The following GLIS3 variants were observed in gnomAD, a reference collection of about 807,000 sequenced individuals.
GLIS3 encodes the protein GLIS family zinc finger 3.
In GLIS3, 53 loss-of-function variants were observed where a neutral mutation model predicts 78.6. The observed-to-expected ratio is 0.67, with a 90% confidence interval of 0.54 to 0.85. The LOEUF (loss-of-function observed/expected upper bound fraction) is 0.85. Ranked by LOEUF, GLIS3 falls within the 40% of genes least tolerant of loss-of-function variation. The probability of loss-of-function intolerance (pLI) is 0.00; values close to 1 mark genes in which losing one functional copy is unlikely to be tolerated. For missense variants in GLIS3, 1,703 were observed against 1,231.1 expected (o/e 1.38, Z -5.74); for synonymous variants, 684 against 509.9 (o/e 1.34, Z -4.60).
rs557197530 is a variant in GLIS3 at position 4,059,784 on chromosome 9, T to C, written c.1710+57984A>G. 4.8e-4 allele frequency among the ~76,000 whole-genome samples: 63 copies of C among 131,546 alleles called. 1 individual carries two copies. In the South Asian group the frequency reaches 0.015, roughly 32 times the overall value. 86.3% of individuals were successfully genotyped at this position (131,546 alleles called of 152,430 possible). A position where few individuals can be genotyped will look rare whatever the true frequency, so the allele number is the denominator to read the frequency against. Reference sequence around the variant, plus strand: ...CAGCTTGTTCTCTCCTGAAAGGGCTTGTCACTTACTCAGCTTTATTTGTGT... The same window carrying C: ...CAGCTTGTTCTCTCCTGAAAGGGCTCGTCACTTACTCAGCTTTATTTGTGT... On this transcript the variant is annotated intron_variant, in intron 4 of 10. Transcript: ENST00000381971.
At chr9:4,301,091 G>C (rs1817051355), upstream of GLIS3, among the ~76,000 whole-genome samples, 1 of 152,166 alleles carries the variant, frequency 6.6e-6, no homozygotes, top group Non-Finnish European at 1.5e-5. Context: ...ACTATTGGCA[G>C]TTTTCATTTA....
Position 4,009,801 on chromosome 9 carries a change from C to T in GLIS3, c.1711-72612G>A, listed in dbSNP as rs574253934. The stretch of plus-strand genomic sequence containing the variant: ...CTGCCCTCCAACCTGGGCAGGTCCA[C>T]GTGGATTCACTGCACATGCAGAAGT... On this transcript the variant is annotated intron_variant, in intron 4 of 10. Coordinates refer to ENST00000381971, the MANE Select transcript of GLIS3 (RefSeq NM_001042413.2). Among the ~76,000 whole-genome samples the T allele has an allele frequency of 8.1e-4, 124 of 152,310 alleles. 1 individual carries two copies. The highest frequency in any genetic ancestry group is 2.8e-3 in the African/African-American group (117 of 41,558).
At chr9:3,942,941 C>T (rs16920105) in intron 4 of GLIS3, among the ~76,000 whole-genome samples, 24,753 of 151,890 alleles carry the variant, frequency 0.16, 2,040 homozygotes, top group Middle Eastern at 0.24. Flanking sequence ...CTGTGGTAGT[C>T]TCACACCTTA....
intron 4 of GLIS3, among the ~76,000 whole-genome samples, chr9:4,043,893 G>C (rs934404690): frequency 6.6e-6 from 1 of 152,138 alleles, no homozygotes; most frequent in Admixed American, 6.5e-5. Context: ...TGGGTTGGGG[G>C]CTCCCAGATA....
At chr9:4,213,018 G>C (rs1820510079) in intron 2 of GLIS3, among the ~76,000 whole-genome samples, 2 of 152,080 alleles carry the variant, frequency 1.3e-5, no homozygotes, top group South Asian at 2.1e-4. Flanking sequence ...TTGTGACCTG[G>C]GCTGGAGAAG....
intron 2 of GLIS3, among the ~76,000 whole-genome samples, chr9:4,194,823 T>C (rs1006076750): frequency 2.6e-5 from 4 of 152,104 alleles, no homozygotes; most frequent in Non-Finnish European, 4.4e-5. Context: ...GGAGCTAACT[T>C]AGGGAGACGC....
At chr9:4,396,071 C>T in the GLIS3 span, among the ~76,000 whole-genome samples, 1 of 151,234 alleles carries the variant, frequency 6.6e-6, no homozygotes, top group Non-Finnish European at 1.5e-5. Flanking sequence ...TGCGCCTAGC[C>T]TGGTCACCAT....
intron 4 of GLIS3, among the ~76,000 whole-genome samples, chr9:4,048,428 T>TGATTATATATATG (rs1825431127): frequency 6.6e-6 from 1 of 152,124 alleles, no homozygotes; most frequent in South Asian, 2.1e-4. Context: ...TATATGGGGC[T>TGATTATATATATG]ATCATATAGC....
the GLIS3 span, among the ~76,000 whole-genome samples, chr9:4,461,333 C>T: frequency 1.3e-5 from 2 of 151,812 alleles, no homozygotes; most frequent in African/African-American, 2.4e-5. Context: ...GTAATTCTTA[C>T]ACAGGGAATA....
At chr9:3,840,214 G>T (rs1818629473) in intron 9 of GLIS3, among the ~76,000 whole-genome samples, 1 of 152,150 alleles carries the variant, frequency 6.6e-6, no homozygotes, top group African/African-American at 2.4e-5. Flanking sequence ...ATATGTAGAG[G>T]TTCTGTGTAA....
chr9:4,109,637 C>T (rs1831050140), intron 4 of GLIS3, among the ~76,000 whole-genome samples: 1 of 152,124 alleles, frequency 6.6e-6, no homozygotes, highest in Non-Finnish European at 1.5e-5. Context: ...GTGATGCTAC[C>T]CTCCTAAGAT....
chr9:3,851,441 T>C (rs1347355609), intron 9 of GLIS3, among the ~76,000 whole-genome samples: 1 of 152,166 alleles, frequency 6.6e-6, no homozygotes, highest in Non-Finnish European at 1.5e-5. Context: ...TAAAGGAAAT[T>C]ATACCTCATT....
At chr9:4,044,210 G>A (rs544536963) in intron 4 of GLIS3, among the ~76,000 whole-genome samples, 2 of 152,298 alleles carry the variant, frequency 1.3e-5, no homozygotes, top group African/African-American at 2.4e-5. Flanking sequence ...AAAGTCTTCG[G>A]AACAGTGTGT....
At chr9:3,879,705 T>C (rs1821601826) in intron 7 of GLIS3, 110 bp from the exon 8 acceptor site, 26 of 1,114,042 alleles carry the variant, frequency 2.3e-5, no homozygotes, top group Non-Finnish European at 3.4e-5. Flanking sequence ...TGTTTTTCTC[T>C]CAGTGGTTTT....
chr9:4,463,378 A>C, the GLIS3 span, among the ~76,000 whole-genome samples: 1 of 152,158 alleles, frequency 6.6e-6, no homozygotes, highest in African/African-American at 2.4e-5. Flanking sequence ...GGACTCTCTC[A>C]CCTTCCTTTA....
At chr9:4,000,929 G>C (rs969275376) in intron 4 of GLIS3, among the ~76,000 whole-genome samples, 7 of 152,112 alleles carry the variant, frequency 4.6e-5, no homozygotes, top group African/African-American at 1.7e-4. Context: ...TCTCTCCTCT[G>C]TACTTTCACA....
chr9:4,161,698 G>A (rs983952260), intron 2 of GLIS3, among the ~76,000 whole-genome samples: 3 of 80,624 alleles, frequency 3.7e-5, no homozygotes, highest in African/African-American at 1.8e-4. Flanking sequence ...TTTTTTTTGA[G>A]ACAGAGTTTC....
chr9:4,235,152 C>T (rs1459744167), intron 2 of GLIS3, among the ~76,000 whole-genome samples: 3 of 151,798 alleles, frequency 2.0e-5, no homozygotes, highest in Non-Finnish European at 2.9e-5. Context: ...TAAAAAAAAT[C>T]GCTGGGCGTG....
At chr9:4,454,570 G>A in the GLIS3 span, among the ~76,000 whole-genome samples, 2 of 152,154 alleles carry the variant, frequency 1.3e-5, no homozygotes, top group African/African-American at 4.8e-5. Flanking sequence ...GGATGAAAGG[G>A]TAAATCTAGG....
Sources: gnomAD v4.1 joint callset for allele counts (sites outside exome capture counted in the v4.1 genomes callset) on GRCh38, gnomAD v4.1.1 for gene constraint, MANE v1.5 for transcripts, NCBI Gene and HGNC (gene_info 2026-07-23, HGNC 2026-07-21) for gene names.